Variants in STK31 observed in about 807,000 individuals in gnomAD.
The protein encoded by STK31 is serine/threonine kinase 31, also known as serine/threonine-protein kinase 31.
Under a neutral mutation model 129.7 loss-of-function variants are expected in STK31, and 89 were observed. That is an observed-to-expected ratio of 0.69 (90% confidence interval 0.58 to 0.82). The LOEUF is 0.82. STK31 is among the 40% of genes least tolerant of loss of function. The pLI is 0.00. For synonymous variants in STK31, 448 were observed against 395.3 expected (o/e 1.13, Z -1.58); for missense variants, 1,187 against 1,176.4 (o/e 1.01, Z -0.13).
chr7:23,726,206 G>A (rs1381192483), intron 4 of STK31: 1 of 152,098 alleles, frequency 6.6e-6, no homozygotes, highest in Non-Finnish European at 1.5e-5. Flanking sequence ...AGTGTTTGGA[G>A]ACGTTTTTGC....
At chr7:23,773,196 A>AC (rs1790313087) in intron 15 of STK31, among the ~76,000 whole-genome samples, 1 of 150,948 alleles carries the variant, frequency 6.6e-6, no homozygotes, top group South Asian at 2.1e-4. Flanking sequence ...CCTCCCCTAG[A>AC]CCCCCACCCC....
chr7:23,780,249 G>A (rs1016469560), intron 15 of STK31, among the ~76,000 whole-genome samples: 4 of 152,108 alleles, frequency 2.6e-5, no homozygotes, highest in Admixed American at 2.0e-4. Context: ...TGTTGATCTC[G>A]CTGGGAGCTG....
intron 11 of STK31, among the ~76,000 whole-genome samples, chr7:23,767,645 A>G (rs1354146821): frequency 6.6e-6 from 1 of 152,044 alleles, no homozygotes; most frequent in East Asian, 1.9e-4. Context: ...GCTCTTCTGT[A>G]TTGGTTATCA....
In STK31 at chr7:23,710,333, G is replaced by A. The variant is rs768174309; in HGVS notation, c.48G>A (p.Val16=). Residue 16 remains valine, a splice_region_variant and synonymous_variant, in exon 1 of 24, where the codon GTG becomes GTA. Coordinates refer to ENST00000355870, the MANE Select transcript of STK31 (RefSeq NM_031414.5). The part of the protein sequence containing the change: ...HSSRASATES[V]SFSGIVQMDE... ...CTAGAGCTTCCGCAACGGAAAGTGT[G>A]AGGTCAGTAGTAGTTTTTGTGGTAC... 5 of 1,613,400 alleles carry A rather than the reference G, an allele frequency of 3.1e-6. No individual in the cohort carries two copies. Among genetic ancestry groups the A allele is most frequent in the East Asian group, 4.5e-5 (2 of 44,882 alleles).
intron 22 of STK31, among the ~76,000 whole-genome samples, chr7:23,799,748 TTAAAC>T (rs1192470139): frequency 2.0e-5 from 3 of 152,142 alleles, no homozygotes; most frequent in East Asian, 1.9e-4. Context: ...TGGGATCTAA[TTAAAC>T]TAAAGAGCTT....
chr7:23,816,023 A>G (rs1202455805), intron 23 of STK31, among the ~76,000 whole-genome samples: 1 of 152,154 alleles, frequency 6.6e-6, no homozygotes, highest in Non-Finnish European at 1.5e-5. Context: ...GTAGTTCCTT[A>G]TTTGACCACA....
At position 23,710,283 on chromosome 7, in the gene STK31, A is replaced by G. The variant is rs376023096; in HGVS notation, c.-3A>G. On this transcript the variant is annotated 5_prime_UTR_variant, in exon 1 of 24. Transcript: ENST00000355870. ...ACGGCGGGCGGAGGGCCGAAAGTCC[A>G]GTATGTGGGTCCAGGGTCACTCTTC... 1.2e-5 allele frequency: 20 copies of G among 1,611,976 alleles called. No individual in the cohort carries two copies. The African/African-American group carries it at 2.4e-4, about 19-fold the overall frequency.
chr7:23,768,985 C>T lies in STK31; in HGVS notation c.1417-10C>T. On this transcript the variant is annotated splice_polypyrimidine_tract_variant and intron_variant, in intron 11 of 23. Coordinates refer to ENST00000355870, the MANE Select transcript of STK31 (RefSeq NM_031414.5). ...TAAACTTTAATAAACAGAAGTATAT[C>T]TCTCTGCAGGATTTGTCAGTCTCTT... The T allele has an allele frequency of 6.4e-7, 1 of 1,570,830 alleles. No individual in the cohort carries two copies. The highest frequency in any genetic ancestry group is 8.6e-7 in the Non-Finnish European group (1 of 1,161,324).
chr7:23,807,073 C>G (rs1281081100), intron 22 of STK31, among the ~76,000 whole-genome samples: 1 of 152,062 alleles, frequency 6.6e-6, no homozygotes, highest in Non-Finnish European at 1.5e-5. Context: ...ATGCAGAGAA[C>G]TTGGAGGAGG....
chr7:23,715,125 G>A (rs1786224073), intron 3 of STK31, among the ~76,000 whole-genome samples: 1 of 152,162 alleles, frequency 6.6e-6, no homozygotes, highest in African/African-American at 2.4e-5. Context: ...GGGTTATGGT[G>A]GGATATAGGC....
intron 23 of STK31, among the ~76,000 whole-genome samples, chr7:23,818,282 C>G (rs916358223): frequency 8.5e-5 from 13 of 152,062 alleles, no homozygotes; most frequent in African/African-American, 4.8e-5. Context: ...TGGCTGATTG[C>G]ATCCTTATGG....
intron 16 of STK31, among the ~76,000 whole-genome samples, chr7:23,783,333 C>A (rs533981441): frequency 6.6e-6 from 1 of 152,320 alleles, no homozygotes; most frequent in African/African-American, 2.4e-5. Flanking sequence ...AGCTAGGTTG[C>A]AGTTCATCCA....
chr7:23,759,320 A>G (rs1344655829), intron 10 of STK31, among the ~76,000 whole-genome samples: 1 of 152,228 alleles, frequency 6.6e-6, no homozygotes, highest in Non-Finnish European at 1.5e-5. Context: ...AAATCAACTG[A>G]ATATACATTC....
intron 3 of STK31, among the ~76,000 whole-genome samples, chr7:23,715,811 C>A (rs1264926532): frequency 6.6e-6 from 1 of 151,954 alleles, no homozygotes; most frequent in East Asian, 1.9e-4. Flanking sequence ...TAATCATGTT[C>A]TTTCTAGCAT....
chr7:23,795,858 A>G (rs566541231), intron 22 of STK31, among the ~76,000 whole-genome samples: 1 of 152,234 alleles, frequency 6.6e-6, no homozygotes, highest in Non-Finnish European at 1.5e-5. Context: ...CATTTGGAAC[A>G]GGTGTATTTA....
At chr7:23,743,003 A>G (rs1584367285) in intron 8 of STK31, among the ~76,000 whole-genome samples, 1 of 143,984 alleles carries the variant, frequency 6.9e-6, no homozygotes, top group Non-Finnish European at 1.5e-5. Context: ...CCCAGGCTGG[A>G]GTGCAATGGC....
chr7:23,728,998 T>G (rs1035127482), intron 5 of STK31, 93 bp from the exon 6 acceptor site: 1 of 1,118,558 alleles, frequency 8.9e-7, no homozygotes, highest in Non-Finnish European at 1.2e-6. Context: ...TATTTTGATA[T>G]ACAGGTCATT....
intron 22 of STK31, among the ~76,000 whole-genome samples, chr7:23,795,917 G>T (rs1791922622): frequency 6.6e-6 from 1 of 152,222 alleles, no homozygotes; most frequent in South Asian, 2.1e-4. Flanking sequence ...ACTTGCTGTT[G>T]ATTTTACAGG....
At chr7:23,794,234 C>T (rs1463460107) in intron 22 of STK31, among the ~76,000 whole-genome samples, 2 of 152,094 alleles carry the variant, frequency 1.3e-5, no homozygotes, top group Non-Finnish European at 2.9e-5. Flanking sequence ...GGGTAGTTTC[C>T]CCCATGCAGT....
Sources: gnomAD v4.1 joint callset for allele counts (sites outside exome capture counted in the v4.1 genomes callset) on GRCh38, gnomAD v4.1.1 for gene constraint, MANE v1.5 for transcripts, NCBI Gene and HGNC (gene_info 2026-07-23, HGNC 2026-07-21) for gene names.